ADD3: variants seen among roughly 807,000 people sequenced by gnomAD.
ADD3 encodes the protein gamma-adducin.
In ADD3, 25 loss-of-function variants were observed where a neutral mutation model predicts 80.2. The ratio of observed to expected loss-of-function variants is 0.31; its 90% CI spans 0.23 to 0.44. The LOEUF is 0.44. ADD3 is among the 20% of genes least tolerant of loss of function. The pLI is 1.00. For missense variants in ADD3, 829 were observed against 847.5 expected (o/e 0.98, Z 0.27); for synonymous variants, 284 against 289.6 (o/e 0.98, Z 0.20).
intron 1 of ADD3, among the ~76,000 whole-genome samples, chr10:110,059,924 G>A (rs1180726347): frequency 2.6e-5 from 4 of 152,220 alleles, no homozygotes; most frequent in Non-Finnish European, 5.9e-5. Flanking sequence ...ACATCATGAT[G>A]AAAGGTTATT....
At chr10:110,101,589 A>G (rs1848814208) in intron 2 of ADD3, among the ~76,000 whole-genome samples, 1 of 151,440 alleles carries the variant, frequency 6.6e-6, no homozygotes, top group South Asian at 2.1e-4. Context: ...GTGAGCCGTG[A>G]TCATGCCACT....
At chr10:110,010,115 T>C (rs545678913) in intron 1 of ADD3, among the ~76,000 whole-genome samples, 5 of 115,468 alleles carry the variant, frequency 4.3e-5, no homozygotes, top group African/African-American at 1.7e-4. Flanking sequence ...GATCTGGCCT[T>C]TGTAAAACCA....
upstream of ADD3, among the ~76,000 whole-genome samples, chr10:110,002,243 C>T (rs947142887): frequency 2.6e-5 from 4 of 151,946 alleles, no homozygotes; most frequent in African/African-American, 7.3e-5. Flanking sequence ...AGTAAGACTC[C>T]GTTTCAAACA....
At chr10:110,101,487 T>C (rs1425239698) in intron 2 of ADD3, among the ~76,000 whole-genome samples, 2 of 151,768 alleles carry the variant, frequency 1.3e-5, no homozygotes, top group Non-Finnish European at 2.9e-5. Context: ...ATTTAAAAAT[T>C]AACTGGGTGT....
chr10:110,050,413 C>T (rs1407146525), intron 1 of ADD3, among the ~76,000 whole-genome samples: 1 of 151,812 alleles, frequency 6.6e-6, no homozygotes, highest in Non-Finnish European at 1.5e-5. Context: ...CTCTCATTCT[C>T]TCTTGTCTGC....
At chr10:110,062,913 T>C (rs762127560) in intron 1 of ADD3, among the ~76,000 whole-genome samples, 6 of 152,184 alleles carry the variant, frequency 3.9e-5, no homozygotes, top group African/African-American at 7.2e-5. Context: ...TAGGGCAAGA[T>C]TGTGTAACCC....
intron 1 of ADD3, among the ~76,000 whole-genome samples, chr10:110,030,413 T>C (rs1279408105): frequency 2.0e-5 from 3 of 151,498 alleles, no homozygotes; most frequent in African/African-American, 7.2e-5. Flanking sequence ...TTACTAGTTA[T>C]ATACTTGTGT....
At chr10:110,044,627 A>G (rs1458677965) in intron 1 of ADD3, among the ~76,000 whole-genome samples, 2 of 152,264 alleles carry the variant, frequency 1.3e-5, no homozygotes, top group Admixed American at 6.5e-5. Context: ...TTAGTGATGT[A>G]ATGGGGAGGA....
chr10:110,050,476 G>A (rs1206450230), intron 1 of ADD3, among the ~76,000 whole-genome samples: 1 of 149,560 alleles, frequency 6.7e-6, no homozygotes, highest in Admixed American at 6.7e-5. Context: ...GTCCTCCCCA[G>A]CCACGTGGAA....
chr10:110,016,164 G>A (rs1196150518), intron 1 of ADD3, among the ~76,000 whole-genome samples: 1 of 152,160 alleles, frequency 6.6e-6, no homozygotes, highest in African/African-American at 2.4e-5. Context: ...ACTTCTTGGG[G>A]CTGTTTAATT....
chr10:110,036,104 TCATGC>T (rs1008242370), intron 1 of ADD3, among the ~76,000 whole-genome samples: 27 of 151,998 alleles, frequency 1.8e-4, no homozygotes, highest in African/African-American at 6.3e-4. Flanking sequence ...TGAGCCGAGG[TCATGC>T]CACTGCACTC....
intron 2 of ADD3, among the ~76,000 whole-genome samples, chr10:110,104,058 A>G (rs1347884287): frequency 6.6e-6 from 1 of 152,236 alleles, no homozygotes; most frequent in African/African-American, 2.4e-5. Context: ...CTCAGGGTGT[A>G]GAACCTTAAG....
chr10:110,008,386 A>C (rs1851888388), intron 1 of ADD3, 87 bp downstream of exon 1: 1 of 152,346 alleles, frequency 6.6e-6, no homozygotes, highest in Non-Finnish European at 1.5e-5. Context: ...AGCACTGGGG[A>C]CGCTACTGGG....
chr10:110,062,655 A>G (rs905057948), intron 1 of ADD3, among the ~76,000 whole-genome samples: 1 of 152,224 alleles, frequency 6.6e-6, no homozygotes, highest in Non-Finnish European at 1.5e-5. Flanking sequence ...AATTTTCAAA[A>G]TGGTAACCGA....
chr10:110,046,534 T>A (rs577471107), intron 1 of ADD3, among the ~76,000 whole-genome samples: 1 of 152,088 alleles, frequency 6.6e-6, no homozygotes, highest in East Asian at 1.9e-4. Context: ...TTGAAGGATA[T>A]AAAATCTCAT....
At position 110,125,838 on chromosome 10, in the gene ADD3, G is replaced by A; in HGVS notation, c.1414G>A (p.Glu472Lys). 1.9e-6 allele frequency: 3 copies of A among 1,598,132 alleles called. No homozygotes were observed. The highest frequency in any genetic ancestry group is 1.7e-6 in the Non-Finnish European group (2 of 1,170,282). The change falls in exon 11 of 15, where the codon GAA becomes AAA. Residue 472 changes from glutamate (E) to lysine (K), a missense_variant. Glu to Lys is a moderately conservative substitution (Grantham distance 56, BLOSUM62 1). Coordinates refer to ENST00000356080, the MANE Select transcript of ADD3 (RefSeq NM_016824.5). ...TTTGATTCTTTAGTGGATGAAAGCA[G>A]AAGACTCATCTAAAGTTAGTGGTGG... ...PRTKITWMKA[E>K]DSSKVSGGTP...
intron 1 of ADD3, among the ~76,000 whole-genome samples, chr10:110,088,324 C>T (rs761019100): frequency 6.6e-5 from 10 of 152,112 alleles, no homozygotes; most frequent in Admixed American, 5.9e-4. Context: ...TTGACAAATC[C>T]GTTTTGAGAA....
chr10:110,059,675 A>G (rs1858642957), intron 1 of ADD3, among the ~76,000 whole-genome samples: 1 of 152,192 alleles, frequency 6.6e-6, no homozygotes, highest in Admixed American at 6.5e-5. Flanking sequence ...AGGCTGAGGC[A>G]GAAGGATCGC....
At chr10:110,018,614 A>T (rs907195100) in intron 1 of ADD3, among the ~76,000 whole-genome samples, 1 of 149,940 alleles carries the variant, frequency 6.7e-6, no homozygotes, top group Non-Finnish European at 1.5e-5. Flanking sequence ...TTGAAGGAGG[A>T]GTTAAGATTT....
Sources: gnomAD v4.1 joint callset for allele counts (sites outside exome capture counted in the v4.1 genomes callset) on GRCh38, gnomAD v4.1.1 for gene constraint, MANE v1.5 for transcripts, NCBI Gene and HGNC (gene_info 2026-07-23, HGNC 2026-07-21) for gene names.